The following MMP24 variants were observed in gnomAD, a reference collection of about 807,000 sequenced individuals.
MMP24 encodes the protein matrix metallopeptidase 24.
In MMP24, 25 loss-of-function variants were observed where a neutral mutation model predicts 62.8. The observed-to-expected ratio is 0.40, with a 90% CI of 0.29 to 0.56. MMP24 has a LOEUF of 0.56. Ranked by LOEUF, MMP24 falls within the 20% of genes least tolerant of loss-of-function variation. The probability of loss-of-function intolerance (pLI) is 0.50; values close to 1 mark genes in which losing one functional copy is unlikely to be tolerated. For missense variants in MMP24, 634 were observed against 853.6 expected, an observed-to-expected ratio of 0.74 and a Z score of 3.21; for synonymous variants, 319 against 350.5, an observed-to-expected ratio of 0.91 and a Z score of 1.00.
intron 1 of MMP24, among the ~76,000 whole-genome samples, chr20:35,239,129 C>T (rs942751024): frequency 1.3e-5 from 2 of 151,400 alleles, no homozygotes; most frequent in African/African-American, 4.9e-5. Flanking sequence ...TCACTGCAAC[C>T]TCCACCTCCT....
At chr20:35,241,338 T>C (rs1335539787) in intron 1 of MMP24, among the ~76,000 whole-genome samples, 1 of 152,092 alleles carries the variant, frequency 6.6e-6, no homozygotes, top group East Asian at 1.9e-4. Context: ...ACACACATAA[T>C]GCTAGTCCAA....
In MMP24 at chr20:35,269,908, A is replaced by C. The variant is rs2254207; in HGVS notation, c.1333+10A>C. ...TTTGTCTTCTTCAAAGGTAATGTAG[A>C]CTGTGCTGTGGGACAGTTCCCTGCC... On this transcript the variant is annotated intron_variant, in intron 7 of 8. Coordinates refer to ENST00000246186, the MANE Select transcript of MMP24 (RefSeq NM_006690.4). The surrounding 1 kb of genome is among the most constrained non-coding windows in gnomAD (Gnocchi z 4.6). The C allele has an allele frequency of 0.26, 406,234 of 1,551,372 alleles. 60,718 individuals are homozygous for C. Among genetic ancestry groups the C allele is most frequent in the African/African-American group, 0.66 (48,143 of 73,068 alleles).
Position 35,269,692 on chromosome 20 carries a change from A to G in MMP24, c.1195-68A>G. ...TGGGCTGTTGGGACCTAAGCCCCAC[A>G]GCTGCAATCACTGGGTTCGGAGGCA... On this transcript the variant is annotated intron_variant, in intron 6 of 8. Coordinates refer to ENST00000246186, the MANE Select transcript of MMP24 (RefSeq NM_006690.4). This position sits in a 1 kb window ranked among gnomAD's most constrained non-coding sequence, Gnocchi z 4.6. 1 of 1,531,912 alleles carries G rather than the reference A, an allele frequency of 6.5e-7. No individual in the cohort carries two copies. Among genetic ancestry groups the G allele is most frequent in the Non-Finnish European group, 8.8e-7 (1 of 1,136,004 alleles). The allele number at this position is 1,531,912 out of a possible 1,614,324, so 94.9% of individuals were successfully genotyped here. A position where few individuals can be genotyped will look rare whatever the true frequency, so the allele number is the denominator to read the frequency against.
chr20:35,276,535 A>T lies in MMP24; in HGVS notation c.*1926A>T. The T allele has an allele frequency of 2.7e-6, 1 of 377,324 alleles. No homozygotes were observed. The allele number at this position is 377,324 out of a possible 1,614,324, so 23.4% of individuals were successfully genotyped here. ...TGTGTCCCCATCTGTGGACCCCTCT[A>T]GGGTCTGAGATGAGATGAGAAGTGT... is the stretch of plus-strand genomic sequence containing the variant. On this transcript the variant is annotated 3_prime_UTR_variant, in exon 9 of 9. Transcript: ENST00000246186.
rs371591987 is a variant in MMP24, at chr20:35,251,922, G to T, written c.413G>T (p.Arg138Leu). The T allele has an allele frequency of 6.2e-7, 1 of 1,613,786 alleles. No homozygotes were observed. The highest frequency in any genetic ancestry group is 1.3e-5 in the African/African-American group (1 of 74,900). The change falls in exon 3 of 9, where the codon CGA becomes CTA. Residue 138 changes from arginine to leucine, a missense_variant. This residue lies in a region of MMP24 where 212 missense variants were observed against 259.6 expected (regional missense o/e 0.82). Transcript: ENST00000246186. The part of the protein sequence containing the change: ...QTTIEWMKKP[R>L]CGVPDHPHLS... ...CTGCCCAGGTGGATGAAGAAACCCC[G>T]ATGTGGTGTCCCTGATCACCCCCAC...
At chr20:35,260,971 C>A (rs184189882) in intron 4 of MMP24, among the ~76,000 whole-genome samples, 57 of 152,298 alleles carry the variant, frequency 3.7e-4, no homozygotes, top group South Asian at 2.7e-3. Context: ...TTCCTGGCAG[C>A]CTCCCTGGAC....
intron 2 of MMP24, among the ~76,000 whole-genome samples, chr20:35,248,865 C>G (rs1311710874): frequency 6.6e-6 from 1 of 152,162 alleles, no homozygotes; most frequent in Non-Finnish European, 1.5e-5. Flanking sequence ...GGCAGTGCAT[C>G]CTGGGGCAGA....
Position 35,246,830 on chromosome 20 carries a change from TG to T in MMP24, c.247-9del, listed in dbSNP as rs555198682. The T allele has an allele frequency of 5.8e-5, 93 of 1,613,390 alleles. No homozygotes were observed. In the African/African-American group the frequency reaches 1.1e-3, roughly 20 times the overall value. ...GCATAACGCATCTTTTTCTTTCCCG[TG>T]TCTTTCAGAACTGGTTAAAGTCCTA... On this transcript the variant is annotated splice_polypyrimidine_tract_variant and intron_variant, in intron 1 of 8. Coordinates refer to ENST00000246186, the MANE Select transcript of MMP24 (RefSeq NM_006690.4).
intron 4 of MMP24, among the ~76,000 whole-genome samples, chr20:35,258,948 G>T (rs990401930): frequency 7.1e-6 from 1 of 141,598 alleles, no homozygotes; most frequent in South Asian, 2.1e-4. Context: ...GGGAGGCCGA[G>T]GGGGGGCAGA....
rs1203115342 is a variant in MMP24, at chr20:35,251,919, C to A, written c.410C>A (p.Pro137His). 1 of 1,613,774 alleles carries A rather than the reference C, an allele frequency of 6.2e-7. No individual in the cohort carries two copies. Among genetic ancestry groups the A allele is most frequent in the Non-Finnish European group, 8.5e-7 (1 of 1,179,826 alleles). ...DQTTIEWMKK[P>H]RCGVPDHPHL... Reference sequence around the variant, plus strand: ...TCTCTGCCCAGGTGGATGAAGAAACCCCGATGTGGTGTCCCTGATCACCCC... The same window carrying A: ...TCTCTGCCCAGGTGGATGAAGAAACACCGATGTGGTGTCCCTGATCACCCC... The change falls in exon 3 of 9, where the codon CCC becomes CAC. Residue 137 changes from proline to histidine, a missense_variant. By Grantham distance (77) the Pro-to-His change is moderately conservative. Around this residue, in one of 3 missense-constraint regions of MMP24, gnomAD observed 212 missense variants for 259.6 expected, o/e 0.82. Transcript: ENST00000246186.
intron 1 of MMP24, among the ~76,000 whole-genome samples, chr20:35,241,073 T>A (rs1016129931): frequency 6.6e-6 from 1 of 152,156 alleles, no homozygotes; most frequent in African/African-American, 2.4e-5. Context: ...CTAATGTGCA[T>A]AAAGAGAATG....
rs569885622 is a variant in MMP24, at chr20:35,276,682, T to C, written c.*2073T>C. The stretch of plus-strand genomic sequence containing the variant: ...CCCCCGCCTCCCGCCAGGCTCCCCA[T>C]TGGCTCCTGGCAGGCCAGCTGAGAA... On this transcript the variant is annotated 3_prime_UTR_variant, in exon 9 of 9. Coordinates refer to ENST00000246186, the MANE Select transcript of MMP24 (RefSeq NM_006690.4). 238 of 163,572 alleles carry C rather than the reference T, an allele frequency of 1.5e-3. No individual in the cohort carries two copies. The highest frequency in any genetic ancestry group is 2.5e-3 in the Non-Finnish European group (192 of 75,482). The allele number at this position is 163,572 out of a possible 1,614,324, so 10.1% of individuals were successfully genotyped here.
rs577456118 is a variant in MMP24 at position 35,230,146 on chromosome 20, C to T, written c.246+3162C>T. Among the ~76,000 whole-genome samples the T allele has an allele frequency of 4.6e-5, 7 of 152,106 alleles. No individual in the cohort carries two copies. The South Asian group carries it at 8.3e-4, about 18-fold the overall frequency. ...CTGGGATTACAGGCATGCACCACCA[C>T]GCCCGGTTAATTTTTGTATTTTTAG... On this transcript the variant is annotated intron_variant, in intron 1 of 8. Coordinates refer to ENST00000246186, the MANE Select transcript of MMP24 (RefSeq NM_006690.4).
At chr20:35,241,581 A>T (rs1337931851) in intron 1 of MMP24, among the ~76,000 whole-genome samples, 2 of 152,174 alleles carry the variant, frequency 1.3e-5, no homozygotes, top group Non-Finnish European at 2.9e-5. Context: ...GAGTCCATAG[A>T]TCCTAACTCC....
chr20:35,254,074 G>T (rs560609205), intron 3 of MMP24, among the ~76,000 whole-genome samples: 46 of 152,198 alleles, frequency 3.0e-4, no homozygotes, highest in African/African-American at 1.1e-3. Flanking sequence ...TCACCATGTT[G>T]GTCAGGCTGG....
At chr20:35,268,406 G>C (rs2060647366) in intron 6 of MMP24, among the ~76,000 whole-genome samples, 1 of 152,204 alleles carries the variant, frequency 6.6e-6, no homozygotes, top group Admixed American at 6.5e-5. Flanking sequence ...CCCTTGTGGA[G>C]TTCTCCCAGC....
In MMP24 at chr20:35,276,892, C is replaced by A. The variant is rs2060712111; in HGVS notation, c.*2283C>A. ...CTGGGGGCCCCAGAGCCTAGCTTCC[C>A]CTCAGCCTGGGGGACATCACAGCAT... On this transcript the variant is annotated 3_prime_UTR_variant, in exon 9 of 9. Coordinates refer to ENST00000246186, the MANE Select transcript of MMP24 (RefSeq NM_006690.4). The A allele has an allele frequency of 6.5e-6, 1 of 152,844 alleles. No homozygotes were observed. The highest frequency in any genetic ancestry group is 2.4e-5 in the African/African-American group (1 of 41,480). 9.5% of individuals were successfully genotyped at this position (152,844 alleles called of 1,614,324 possible). A position where few individuals can be genotyped will look rare whatever the true frequency, so the allele number is the denominator to read the frequency against.
rs1170998295 is a variant in MMP24 at position 35,276,993 on chromosome 20, TAC to T, written c.*2386_*2387del. ...AAATCATTTCTAAATAAAACAGAAA[TAC>T]AGAGTGTGTCATTTCCCTGGGATGA... On this transcript the variant is annotated 3_prime_UTR_variant, in exon 9 of 9. Transcript: ENST00000246186. The T allele has an allele frequency of 2.6e-5, 4 of 152,792 alleles. No homozygotes were observed. The highest frequency in any genetic ancestry group is 7.2e-5 in the African/African-American group (3 of 41,586). The allele number at this position is 152,792 out of a possible 1,614,324, so 9.5% of individuals were successfully genotyped here. A position where few individuals can be genotyped will look rare whatever the true frequency, so the allele number is the denominator to read the frequency against.
chr20:35,256,683 C>T (rs2060576330), intron 4 of MMP24, among the ~76,000 whole-genome samples: 1 of 142,538 alleles, frequency 7.0e-6, no homozygotes, highest in Non-Finnish European at 1.5e-5. Flanking sequence ...CATGCCACTG[C>T]ACTCCAGCCT....
Sources: allele counts gnomAD v4.1 joint callset (sites outside exome capture counted in the v4.1 genomes callset), GRCh38; gene constraint gnomAD v4.1.1; regional missense constraint gnomAD v4.1.1; non-coding constraint Gnocchi (gnomAD v3.1); transcripts MANE v1.5; gene names NCBI Gene and HGNC (gene_info 2026-07-23, HGNC 2026-07-21).